The following XPO5 variants were observed in gnomAD, a reference collection of about 807,000 sequenced individuals.
The protein encoded by XPO5 is exportin-5.
A neutral mutation model predicts 160.6 loss-of-function variants in XPO5; 46 were observed. That is an observed-to-expected ratio of 0.29 (90% CI 0.23 to 0.37). The LOEUF (loss-of-function observed/expected upper bound fraction) is 0.37, where lower values mean the gene tolerates loss of function less well. Among genes scored for constraint, XPO5 ranks in the 10% least tolerant of loss-of-function variants. XPO5 has a pLI of 1.00. For synonymous variants in XPO5, 537 were observed against 519.3 expected (o/e 1.03, Z -0.46); for missense variants, 1,090 against 1,463.9 (o/e 0.74, Z 4.17).
chr6:43,558,880 T>C (rs1762254421), intron 11 of XPO5: 1 of 306,414 alleles, frequency 3.3e-6, no homozygotes, highest in South Asian at 6.4e-5. Context: ...AAATGACAAT[T>C]CAGTATGTAG....
chr6:43,533,259 CACACGA>C (rs1179790855), intron 21 of XPO5: 1 of 145,252 alleles, frequency 6.9e-6, no homozygotes, highest in East Asian at 2.0e-4. Flanking sequence ...CACACACACA[CACACGA>C]GGAGGCAGGA....
Position 43,545,915 on chromosome 6 carries a change from G to C in XPO5, c.2342+656C>G, listed in dbSNP as rs545613706. 4.6e-5 allele frequency among the ~76,000 whole-genome samples: 7 copies of C among 152,120 alleles called. No homozygotes were observed. In the South Asian group the frequency reaches 1.5e-3, roughly 32 times the overall value. ...TCATGTGATCTAAAACAGTGATTCT[G>C]AATGTTTAATGTGTATATAAACCAC... On this transcript the variant is annotated intron_variant, in intron 20 of 31. Transcript: ENST00000265351.
At chr6:43,573,963 G>A (rs1170986829) in intron 1 of XPO5, among the ~76,000 whole-genome samples, 1 of 151,432 alleles carries the variant, frequency 6.6e-6, no homozygotes, top group Non-Finnish European at 1.5e-5. Context: ...CCATGTAGCT[G>A]GGACTACAAG....
chr6:43,557,250 C>A (rs982566858), intron 12 of XPO5, among the ~76,000 whole-genome samples: 19 of 151,406 alleles, frequency 1.3e-4, no homozygotes, highest in Middle Eastern at 3.4e-3. Context: ...CACAGTGAAA[C>A]CCTGTCTCTA....
intron 23 of XPO5, 40 bp downstream of exon 23, chr6:43,530,648 T>G: frequency 6.2e-7 from 1 of 1,603,512 alleles, no homozygotes; most frequent in Non-Finnish European, 8.5e-7. Context: ...TCTCTAATTT[T>G]CTGACCTTTT....
rs1215916493 is a variant in XPO5, at chr6:43,547,631, G to C, written c.2137C>G (p.Pro713Ala). ...QKSCDPGLED[P>A]CGLNRARMSF... ...ACTCGTGCACGGTTTAAGCCACACG[G>C]ATCCTCCAGGCCTGGGTCACAGCTC... Residue 713 changes from proline (P) to alanine (A), a missense_variant, in exon 19 of 32, where the codon CCG becomes GCG. Pro to Ala is a conservative substitution (Grantham distance 27). Coordinates refer to ENST00000265351, the MANE Select transcript of XPO5 (RefSeq NM_020750.3). 1 of 1,613,890 alleles carries C rather than the reference G, an allele frequency of 6.2e-7. No homozygotes were observed. The highest frequency in any genetic ancestry group is 8.5e-7 in the Non-Finnish European group (1 of 1,179,902).
chr6:43,568,866 A>T, intron 5 of XPO5, 129 bp from the exon 6 acceptor site: 1 of 783,346 alleles, frequency 1.3e-6, no homozygotes, highest in Non-Finnish European at 1.9e-6. Flanking sequence ...CTTGGAAAAT[A>T]ACACAACTTT....
At chr6:43,553,292 A>G in intron 14 of XPO5, 81 bp downstream of exon 14, 5 of 1,486,104 alleles carry the variant, frequency 3.4e-6, no homozygotes, top group Non-Finnish European at 4.5e-6. Flanking sequence ...ACAGAGAGAT[A>G]TAGCGTCCCA....
intron 13 of XPO5, among the ~76,000 whole-genome samples, chr6:43,554,070 A>C (rs998945405): frequency 1.3e-5 from 2 of 152,180 alleles, no homozygotes; most frequent in Non-Finnish European, 2.9e-5. Context: ...ACAGCACTCA[A>C]ATAGCAAGGC....
In XPO5 at chr6:43,523,841, C is replaced by A; in HGVS notation, c.*27G>T. 2.5e-6 allele frequency: 4 copies of A among 1,613,910 alleles called. No homozygotes were observed. Among genetic ancestry groups the A allele is most frequent in the Non-Finnish European group, 3.4e-6 (4 of 1,179,852 alleles). On this transcript the variant is annotated 3_prime_UTR_variant, in exon 32 of 32. Transcript: ENST00000265351. Reference sequence around the variant, plus strand: ...GGGAAAGAAGAGATGACAAGAAAGGCCGAGGAAGGATGCCCAAAAGCTTGA... The same window carrying A: ...GGGAAAGAAGAGATGACAAGAAAGGACGAGGAAGGATGCCCAAAAGCTTGA...
Position 43,551,344 on chromosome 6 carries a change from G to A in XPO5, c.1682C>T (p.Pro561Leu), listed in dbSNP as rs1356404064. 6.2e-7 allele frequency: 1 copy of A among 1,613,832 alleles called. No individual in the cohort carries two copies. The highest frequency in any genetic ancestry group is 8.5e-7 in the Non-Finnish European group (1 of 1,179,862). Reference sequence around the variant, plus strand: ...GAACTCTGGTCTGTAGGTGACAAATGGAAAGAGTGCAGAGACATTAGTAAG... The same window carrying A: ...GAACTCTGGTCTGTAGGTGACAAATAGAAAGAGTGCAGAGACATTAGTAAG... The part of the protein sequence containing the change: ...CVLTNVSALF[P>L]FVTYRPEFLP... Residue 561 changes from proline (P) to leucine (L), a missense_variant, in exon 15 of 32, where the codon CCA becomes CTA. Pro to Leu is a moderately conservative substitution (Grantham distance 98). Around this residue, in one of 3 missense-constraint regions of XPO5, gnomAD observed 810 missense variants for 1,139.0 expected, o/e 0.71. Coordinates refer to ENST00000265351, the MANE Select transcript of XPO5 (RefSeq NM_020750.3).
intron 9 of XPO5, chr6:43,562,039 A>G (rs531703745): frequency 2.4e-4 from 101 of 423,880 alleles, no homozygotes; most frequent in Admixed American, 3.2e-4. Context: ...TGACGTTGGT[A>G]TAACTATTTT....
intron 20 of XPO5, among the ~76,000 whole-genome samples, chr6:43,540,457 C>T (rs914719972): frequency 6.6e-6 from 1 of 151,864 alleles, no homozygotes; most frequent in Non-Finnish European, 1.5e-5. Flanking sequence ...CCAGCCTGGA[C>T]GACAGAGCAA....
intron 17 of XPO5, 102 bp downstream of exon 17, chr6:43,549,387 C>A: frequency 8.5e-7 from 1 of 1,182,098 alleles, no homozygotes; most frequent in Admixed American, 2.5e-5. Context: ...TGATGCAAAG[C>A]TATAGTTTCT....
In XPO5 at chr6:43,557,783, T is replaced by TAA. The variant is rs59661301; in HGVS notation, c.1312+716_1312+717dup. Among the ~76,000 whole-genome samples, 380 of 87,232 alleles carry TAA rather than the reference T, an allele frequency of 4.4e-3. 2 individuals carry two copies. The highest frequency in any genetic ancestry group is 0.015 in the African/African-American group (357 of 24,030). 57.2% of individuals were successfully genotyped at this position (87,232 alleles called of 152,430 possible). On this transcript the variant is annotated intron_variant, in intron 12 of 31. Transcript: ENST00000265351. Reference sequence around the variant, plus strand: ...AATGAATTTTGTCTCAATAAAGCTGTAAAAAAAAAAAAAAAAAAAAAAAAA... The same window carrying TAA: ...AATGAATTTTGTCTCAATAAAGCTGTAAAAAAAAAAAAAAAAAAAAAAAAAAA...
chr6:43,570,559 C>G lies in XPO5; in HGVS notation c.564G>C (p.Arg188Ser). The change falls in exon 5 of 32, where the codon AGG (arginine) becomes AGC (serine). Residue 188 changes from arginine (R) to serine (S), a missense_variant. Coordinates refer to ENST00000265351, the MANE Select transcript of XPO5 (RefSeq NM_020750.3). ...IQQTLTQNME[R>S]IFSFLLNTLQ... ...GTGTGTTAAGCAGAAAACTGAAGAT[C>G]CTTTCCATGTTCTGGGTTAATGTTT... The G allele has an allele frequency of 1.2e-6, 2 of 1,613,650 alleles. No homozygotes were observed. The highest frequency in any genetic ancestry group is 2.2e-5 in the East Asian group (1 of 44,860).
At chr6:43,573,105 A>G (rs1217549371) in intron 2 of XPO5, among the ~76,000 whole-genome samples, 1 of 152,236 alleles carries the variant, frequency 6.6e-6, no homozygotes, top group Non-Finnish European at 1.5e-5. Context: ...ACACAAACTC[A>G]GAAAGACAGA....
chr6:43,554,802 G>C (rs190084457), intron 13 of XPO5, among the ~76,000 whole-genome samples: 7 of 152,238 alleles, frequency 4.6e-5, no homozygotes, highest in Non-Finnish European at 7.4e-5. Context: ...ACACATTTGG[G>C]CTTCCTCAAC....
At chr6:43,546,235 T>C (rs1794958660) in intron 20 of XPO5, among the ~76,000 whole-genome samples, 1 of 151,914 alleles carries the variant, frequency 6.6e-6, no homozygotes, top group Non-Finnish European at 1.5e-5. Flanking sequence ...CTGCTCCCAA[T>C]GAGCAATTCC....
Sources: allele counts gnomAD v4.1 joint callset (sites outside exome capture counted in the v4.1 genomes callset), GRCh38; gene constraint gnomAD v4.1.1; regional missense constraint gnomAD v4.1.1; transcripts MANE v1.5; gene names NCBI Gene and HGNC (gene_info 2026-07-23, HGNC 2026-07-21).